The following PHLPP2 variants were observed in gnomAD, a reference collection of about 807,000 sequenced individuals.
PHLPP2 encodes PH domain and leucine rich repeat protein phosphatase 2.
Under a neutral mutation model 124.9 loss-of-function variants are expected in PHLPP2, and 66 were observed. The ratio of observed to expected loss-of-function variants is 0.53; its 90% CI spans 0.43 to 0.65. The LOEUF (loss-of-function observed/expected upper bound fraction) is 0.65, where lower values mean the gene tolerates loss of function less well. Ranked by LOEUF, PHLPP2 falls within the 30% of genes least tolerant of loss-of-function variation. PHLPP2 has a pLI of 0.00. For missense variants in PHLPP2, 1,685 were observed against 1,600.4 expected (o/e 1.05, Z -0.90); for synonymous variants, 681 against 624.7 (o/e 1.09, Z -1.34).
chr16:71,657,332 C>A (rs2044750452), intron 15 of PHLPP2, among the ~76,000 whole-genome samples: 1 of 152,094 alleles, frequency 6.6e-6, no homozygotes, highest in Non-Finnish European at 1.5e-5. Flanking sequence ...CCCACCTTGG[C>A]CCCTCAAAGT....
chr16:71,698,590 G>T, intron 3 of PHLPP2: 1 of 624,720 alleles, frequency 1.6e-6, no homozygotes, highest in Admixed American at 1.9e-5. Context: ...GTCCCTTAGA[G>T]CAACCCATAC....
At chr16:71,673,005 A>T (rs1291596164) in intron 9 of PHLPP2, among the ~76,000 whole-genome samples, 1 of 152,232 alleles carries the variant, frequency 6.6e-6, no homozygotes. Context: ...ATATGCTTAC[A>T]GGATTTGTTT....
At position 71,649,315 on chromosome 16, in the gene PHLPP2, G is replaced by A. The variant is rs929847519; in HGVS notation, c.3547C>T (p.Pro1183Ser). The change falls in exon 19 of 19, where the codon CCC (proline) becomes TCC (serine). Residue 1183 changes from proline (P) to serine (S), a missense_variant. Physicochemically the swap from Pro to Ser is moderately conservative, Grantham distance 74. Transcript: ENST00000568954. The stretch of plus-strand genomic sequence containing the variant: ...GTAGGAGAACTCTCTATGAGAGGGG[G>A]TGAGTTCTCCAGATCCCTCCCCCTG... ...CCRGRDLENS[P>S]PLIESSPTLC... The A allele has an allele frequency of 9.9e-6, 16 of 1,613,796 alleles. No individual in the cohort carries two copies. Among genetic ancestry groups the A allele is most frequent in the African/African-American group, 1.3e-5 (1 of 74,920 alleles).
intron 4 of PHLPP2, among the ~76,000 whole-genome samples, chr16:71,686,805 A>G (rs2045059281): frequency 6.7e-6 from 1 of 149,226 alleles, no homozygotes; most frequent in South Asian, 2.1e-4. Flanking sequence ...ATTTCCTGGT[A>G]TAGATATATC....
chr16:71,690,495 A>G (rs767113804), intron 4 of PHLPP2, 24 bp downstream of exon 4: 66 of 1,477,002 alleles, frequency 4.5e-5, no homozygotes, highest in Non-Finnish European at 2.8e-5. Context: ...CAAATGAAAA[A>G]TAATTCATCT....
At chr16:71,684,772 C>T (rs932163801) in intron 4 of PHLPP2, 171 bp from the exon 5 acceptor site, 4 of 573,158 alleles carry the variant, frequency 7.0e-6, no homozygotes, top group South Asian at 4.2e-5. Flanking sequence ...CATGAACACA[C>T]CCAAGGAGTA....
At chr16:71,687,476 A>T (rs2045065056) in intron 4 of PHLPP2, among the ~76,000 whole-genome samples, 1 of 152,228 alleles carries the variant, frequency 6.6e-6, no homozygotes, top group Non-Finnish European at 1.5e-5. Flanking sequence ...AGCAAATAGT[A>T]TTTAAAATAA....
At chr16:71,669,225 C>T (rs1229842314) in intron 11 of PHLPP2, 50 bp downstream of exon 11, 7 of 1,280,386 alleles carry the variant, frequency 5.5e-6, no homozygotes, top group Non-Finnish European at 7.8e-6. Flanking sequence ...TAAATACGCA[C>T]ACACGTAAAT....
chr16:71,650,848 T>C (rs1360585275), intron 18 of PHLPP2, among the ~76,000 whole-genome samples: 1 of 152,158 alleles, frequency 6.6e-6, no homozygotes, highest in Non-Finnish European at 1.5e-5. Flanking sequence ...ATCTGTAAAA[T>C]GAAAATGGGA....
Position 71,652,924 on chromosome 16 carries a change from C to A in PHLPP2, c.2683G>T (p.Val895Leu), listed in dbSNP as rs760441658. ...ADPASSFSLT[V>L]ANVGTCQAVL... ...GCTTGGCACGTGCCAACATTGGCTA[C>A]AGTCAAGCTAAAGCTACTTGCTGGA... is the stretch of plus-strand genomic sequence containing the variant. Residue 895 changes from valine to leucine, a missense_variant, in exon 18 of 19, where the codon GTA (valine) becomes TTA (leucine). Coordinates refer to ENST00000568954, the MANE Select transcript of PHLPP2 (RefSeq NM_015020.3). 6.2e-7 allele frequency: 1 copy of A among 1,614,076 alleles called. No homozygotes were observed. The highest frequency in any genetic ancestry group is 8.5e-7 in the Non-Finnish European group (1 of 1,179,982).
At chr16:71,719,147 T>G in intron 1 of PHLPP2, among the ~76,000 whole-genome samples, 1 of 152,236 alleles carries the variant, frequency 6.6e-6, no homozygotes, top group Admixed American at 6.5e-5. Context: ...CCCCTTACTC[T>G]TATAGAATTG....
intron 6 of PHLPP2, among the ~76,000 whole-genome samples, chr16:71,681,359 C>G (rs1180398625): frequency 6.6e-6 from 1 of 152,156 alleles, no homozygotes; most frequent in East Asian, 1.9e-4. Flanking sequence ...GTGGAAGGTA[C>G]AAAGAGAAGA....
rs1596983708 is a variant in PHLPP2, at chr16:71,647,983, A to C, written c.*907T>G. On this transcript the variant is annotated 3_prime_UTR_variant, in exon 19 of 19. Transcript: ENST00000568954. ...AGAAGATTGGCTCGAGTGCAGATTC[A>C]AAAATAAAAAGTTCACAGTCAATGA... 1 of 152,776 alleles carries C rather than the reference A, an allele frequency of 6.5e-6. No individual in the cohort carries two copies. The highest frequency in any genetic ancestry group is 3.4e-3 in the Middle Eastern group (1 of 294). The allele number at this position is 152,776 out of a possible 1,614,324, so 9.5% of individuals were successfully genotyped here.
intron 12 of PHLPP2, chr16:71,664,324 T>G (rs1285539134): frequency 1.7e-6 from 1 of 573,706 alleles, no homozygotes; most frequent in Non-Finnish European, 3.1e-6. Context: ...ACAAGCCTGG[T>G]TGTTTTCCCA....
chr16:71,723,732 C>T lies in PHLPP2; in HGVS notation c.-7+597G>A, dbSNP rs1337112600. 13 of 1,059,008 alleles carry T rather than the reference C, an allele frequency of 1.2e-5. 1 individual carries two copies. Among genetic ancestry groups the T allele is most frequent in the Non-Finnish European group, 1.5e-5 (12 of 784,648 alleles). The allele number at this position is 1,059,008 out of a possible 1,614,324, so 65.6% of individuals were successfully genotyped here. On this transcript the variant is annotated intron_variant, in intron 1 of 18. Transcript: ENST00000568954. ...CCTCCCTAGTCCGCTTGCCCGCTCG[C>T]CCGCTCGCTCGCTCGCTGGTCCATC...
intron 1 of PHLPP2, among the ~76,000 whole-genome samples, chr16:71,722,903 T>C (rs1457281305): frequency 6.6e-6 from 1 of 152,176 alleles, no homozygotes; most frequent in African/African-American, 2.4e-5. Context: ...CTCCCCACTA[T>C]CGCCACCCTA....
chr16:71,696,010 C>T (rs2045166180), intron 3 of PHLPP2, among the ~76,000 whole-genome samples: 1 of 152,134 alleles, frequency 6.6e-6, no homozygotes, highest in Non-Finnish European at 1.5e-5. Flanking sequence ...AGTCATATTA[C>T]ACTTGTGTAG....
rs1347455514 is a variant in PHLPP2 at position 71,658,297 on chromosome 16, G to C, written c.2215C>G (p.Gln739Glu). Reference sequence around the variant, plus strand: ...GTATTTCCAGTCAGGTCAAGGTCTTGTAATGTAGCAGGCAAAGCCTCTGGA... The same window carrying C: ...GTATTTCCAGTCAGGTCAAGGTCTTCTAATGTAGCAGGCAAAGCCTCTGGA... ...LIPEALPATL[Q>E]DLDLTGNTNL... The change falls in exon 15 of 19, where the codon CAA becomes GAA. Residue 739 changes from glutamine to glutamate, a missense_variant. Transcript: ENST00000568954. The C allele has an allele frequency of 6.2e-7, 1 of 1,613,644 alleles. No homozygotes were observed. Among genetic ancestry groups the C allele is most frequent in the South Asian group, 1.1e-5 (1 of 91,072 alleles).
At chr16:71,711,344 A>T (rs538119133) in intron 2 of PHLPP2, among the ~76,000 whole-genome samples, 1 of 152,052 alleles carries the variant, frequency 6.6e-6, no homozygotes, top group East Asian at 1.9e-4. Flanking sequence ...AAAAAAAAAA[A>T]GGAATTAAGA....
Sources: gnomAD v4.1 joint callset for allele counts (sites outside exome capture counted in the v4.1 genomes callset) on GRCh38, gnomAD v4.1.1 for gene constraint, MANE v1.5 for transcripts, NCBI Gene and HGNC (gene_info 2026-07-23, HGNC 2026-07-21) for gene names.